The following ZNF600 variants were observed in gnomAD, a reference collection of about 807,000 sequenced individuals.
The protein encoded by ZNF600 is zinc finger protein KR-ZNF1.
In ZNF600, 4 loss-of-function variants were observed where a neutral mutation model predicts 7.3. That is an observed-to-expected ratio of 0.55 (90% CI 0.27 to 1.25). The LOEUF (loss-of-function observed/expected upper bound fraction) is 1.25. ZNF600 is among the 50% of genes most tolerant of loss of function. The probability of loss-of-function intolerance (pLI) is 0.12; values close to 1 mark genes in which losing one functional copy is unlikely to be tolerated. For synonymous variants in ZNF600, 290 were observed against 308.9 expected (o/e 0.94, Z 0.64); for missense variants, 911 against 922.1 (o/e 0.99, Z 0.16).
At chr19:52,804,999 T>C in the ZNF600 span, 2 of 152,292 alleles carry the variant, frequency 1.3e-5, no homozygotes, top group African/African-American at 4.8e-5. Context: ...CCAGGTGCGG[T>C]GGCTCATGCC....
At chr19:52,776,848 G>C (rs559227390) in intron 2 of ZNF600, among the ~76,000 whole-genome samples, 1 of 151,970 alleles carries the variant, frequency 6.6e-6, no homozygotes, top group Non-Finnish European at 1.5e-5. Flanking sequence ...ACATCACGGC[G>C]TTACCCACGT....
the ZNF600 span, chr19:52,810,838 AGTCCCTCTCCCTCTCCC>A: frequency 4.9e-6 from 1 of 204,900 alleles, no homozygotes; most frequent in Non-Finnish European, 8.6e-6. Flanking sequence ...TTAAAAAAAG[AGTCCCTCTCCCTCTCCC>A]TCTCCCCCTC....
At chr19:52,811,349 G>A in the ZNF600 span, among the ~76,000 whole-genome samples, 3,553 of 141,634 alleles carry the variant, frequency 0.025, 143 homozygotes, top group Non-Finnish European at 0.034. Flanking sequence ...CTGCCTGGCC[G>A]CCCATTGTCT....
the ZNF600 span, among the ~76,000 whole-genome samples, chr19:52,818,824 A>C: frequency 6.8e-6 from 1 of 146,702 alleles, no homozygotes; most frequent in Non-Finnish European, 1.5e-5. Flanking sequence ...TACAGGTTGC[A>C]GTGAGCCAAG....
the ZNF600 span, among the ~76,000 whole-genome samples, chr19:52,813,474 G>A: frequency 5.8e-5 from 7 of 121,052 alleles, 1 homozygote; most frequent in African/African-American, 2.8e-4. Flanking sequence ...CAGGGTAGGC[G>A]GGCGGGGGTG....
At chr19:52,804,778 T>C in the ZNF600 span, among the ~76,000 whole-genome samples, 1 of 152,134 alleles carries the variant, frequency 6.6e-6, no homozygotes, top group African/African-American at 2.4e-5. Context: ...GTGCTGGGAT[T>C]AGAAAAGTGA....
chr19:52,829,471 T>A, the ZNF600 span, among the ~76,000 whole-genome samples: 1 of 151,214 alleles, frequency 6.6e-6, no homozygotes, highest in African/African-American at 2.4e-5. Context: ...GCCTCCTGGG[T>A]TCAAGTGATT....
the ZNF600 span, among the ~76,000 whole-genome samples, chr19:52,792,257 C>G: frequency 6.6e-6 from 1 of 152,150 alleles, no homozygotes; most frequent in African/African-American, 2.4e-5. Context: ...GTAGGGTGAG[C>G]GTTGGGCTGT....
At position 52,766,568 on chromosome 19, in the gene ZNF600, C is replaced by T. The variant is rs764707988; in HGVS notation, c.1395G>A (p.Ala465=). The T allele has an allele frequency of 1.0e-4, 165 of 1,613,908 alleles. 1 individual carries two copies. The East Asian group carries it at 1.9e-3, about 19-fold the overall frequency. Reference sequence around the variant, plus strand: ...TATGTCTTACCAGGTGTGAATTCCACGCAAAAGCCTTGTCACAGACCTTAC... The same window carrying T: ...TATGTCTTACCAGGTGTGAATTCCATGCAAAAGCCTTGTCACAGACCTTAC... Residue 465 remains alanine (A), a synonymous_variant, in exon 4 of 4, where the codon GCG becomes GCA. Coordinates refer to ENST00000648973, the Ensembl canonical transcript of ZNF600.
At chr19:52,800,759 C>T in the ZNF600 span, 1 of 1,613,940 alleles carries the variant, frequency 6.2e-7, no homozygotes, top group Admixed American at 1.7e-5. Context: ...GATTAAAAAC[C>T]TTGCCACATT....
the ZNF600 span, among the ~76,000 whole-genome samples, chr19:52,794,049 T>C: frequency 6.6e-6 from 1 of 151,978 alleles, no homozygotes. Context: ...AAGGTGGAGA[T>C]GCCTGTTTGA....
At chr19:52,830,462 G>A in the ZNF600 span, among the ~76,000 whole-genome samples, 1 of 151,992 alleles carries the variant, frequency 6.6e-6, no homozygotes, top group African/African-American at 2.4e-5. Flanking sequence ...AGTCCACCAA[G>A]AAAGTACAGA....
chr19:52,774,771 AAAGAG>A lies in ZNF600; in HGVS notation c.64-75_64-71del. On this transcript the variant is annotated intron_variant, in intron 2 of 3. Coordinates refer to ENST00000648973, the Ensembl canonical transcript of ZNF600. ...GTTATCACCTTCATGGGAAATGAGA[AAAGAG>A]AAAATAAGTATTTGATCAAAGACTG... 3.0e-6 allele frequency: 3 copies of A among 985,426 alleles called. No homozygotes were observed. In the South Asian group the frequency reaches 1.4e-4, roughly 46 times the overall value. The allele number at this position is 985,426 out of a possible 1,614,324, so 61.0% of individuals were successfully genotyped here.
the ZNF600 span, among the ~76,000 whole-genome samples, chr19:52,828,872 T>C: frequency 6.6e-6 from 1 of 152,282 alleles, no homozygotes; most frequent in East Asian, 1.9e-4. Context: ...TCTTTATTTA[T>C]TTTTTTGAGA....
At chr19:52,769,259 G>A (rs1274811477) in intron 3 of ZNF600, among the ~76,000 whole-genome samples, 4 of 152,134 alleles carry the variant, frequency 2.6e-5, no homozygotes, top group African/African-American at 7.2e-5. Flanking sequence ...GCAGTTATCC[G>A]GAGGCCTAAC....
chr19:52,817,890 C>T, the ZNF600 span: 8 of 1,608,128 alleles, frequency 5.0e-6, no homozygotes, highest in Non-Finnish European at 6.8e-6. Context: ...ACTCCAAGGC[C>T]CAGCGTTTCT....
chr19:52,766,582 C>A (rs1433111961), exon 4 of ZNF600: 1 of 1,614,124 alleles, frequency 6.2e-7, no homozygotes, highest in South Asian at 1.1e-5. Flanking sequence ...AAAGCCTTGT[C>A]ACAGACCTTA....
At chr19:52,814,052 T>G in the ZNF600 span, among the ~76,000 whole-genome samples, 1 of 146,498 alleles carries the variant, frequency 6.8e-6, no homozygotes, top group Non-Finnish European at 1.5e-5. Context: ...CTTTTTTAAG[T>G]TACTACAGAA....
At chr19:52,780,322 G>A (rs532225875) in intron 1 of ZNF600, among the ~76,000 whole-genome samples, 1 of 152,248 alleles carries the variant, frequency 6.6e-6, no homozygotes, top group East Asian at 1.9e-4. Context: ...AAGGAAACCC[G>A]GAGAAGATGA....
Sources: gnomAD v4.1 joint callset for allele counts (sites outside exome capture counted in the v4.1 genomes callset) on GRCh38, gnomAD v4.1.1 for gene constraint, MANE v1.5 for transcripts, NCBI Gene and HGNC (gene_info 2026-07-23, HGNC 2026-07-21) for gene names.